AGBL4: variants seen among roughly 807,000 people sequenced by gnomAD.
AGBL4 encodes the protein AGBL carboxypeptidase 4.
AGBL4 carries 58 observed loss-of-function variants against 66.4 expected under a neutral mutation model. The ratio of observed to expected loss-of-function variants is 0.87; its 90% confidence interval spans 0.71 to 1.09. The LOEUF (loss-of-function observed/expected upper bound fraction) is 1.09, where lower values mean the gene tolerates loss of function less well. AGBL4 is among the 50% of genes least tolerant of loss of function. The pLI, the probability that AGBL4 is intolerant of heterozygous loss-of-function variation, is 0.00. For synonymous variants in AGBL4, 234 were observed against 222.9 expected (o/e 1.05, Z -0.44); for missense variants, 579 against 631.0 (o/e 0.92, Z 0.88).
At chr1:49,146,920 A>G (rs1646229618) in intron 4 of AGBL4, among the ~76,000 whole-genome samples, 1 of 152,260 alleles carries the variant, frequency 6.6e-6, no homozygotes, top group African/African-American at 2.4e-5. Context: ...CCAAGCCAGA[A>G]GTAAAAGGAC....
At chr1:49,636,805 T>C (rs993444272) in intron 3 of AGBL4, among the ~76,000 whole-genome samples, 1 of 152,298 alleles carries the variant, frequency 6.6e-6, no homozygotes, top group Middle Eastern at 3.4e-3. Context: ...CATGATCCAA[T>C]GAGTAAATCA....
chr1:49,047,228 T>C (rs1644102245), intron 4 of AGBL4, among the ~76,000 whole-genome samples: 1 of 152,128 alleles, frequency 6.6e-6, no homozygotes, highest in Non-Finnish European at 1.5e-5. Context: ...TATTCTGGTA[T>C]TTGATTATAT....
intron 3 of AGBL4, among the ~76,000 whole-genome samples, chr1:49,376,149 A>G (rs974206702): frequency 1.3e-5 from 2 of 152,090 alleles, no homozygotes; most frequent in African/African-American, 4.8e-5. Flanking sequence ...GTAAACCACT[A>G]TTTGGTGCTC....
intron 5 of AGBL4, among the ~76,000 whole-genome samples, chr1:48,987,491 C>A (rs928386005): frequency 6.6e-6 from 1 of 151,884 alleles, no homozygotes; most frequent in Non-Finnish European, 1.5e-5. Context: ...ATTTATGCAT[C>A]TAATACCAGA....
chr1:49,422,031 T>G (rs1273705101), intron 3 of AGBL4, among the ~76,000 whole-genome samples: 1 of 152,180 alleles, frequency 6.6e-6, no homozygotes, highest in Non-Finnish European at 1.5e-5. Context: ...GCCAAAAACT[T>G]TATTTCTTCC....
intron 3 of AGBL4, among the ~76,000 whole-genome samples, chr1:49,285,105 A>G (rs1644373291): frequency 6.6e-6 from 1 of 152,182 alleles, no homozygotes; most frequent in African/African-American, 2.4e-5. Flanking sequence ...TCCAAAATTG[A>G]CCACATATTT....
At chr1:49,906,917 A>G (rs1405555610) in intron 1 of AGBL4, among the ~76,000 whole-genome samples, 2 of 152,140 alleles carry the variant, frequency 1.3e-5, no homozygotes, top group African/African-American at 4.8e-5. Flanking sequence ...ACATTTTCTT[A>G]CAAGGTCATG....
At chr1:48,876,898 TA>T (rs1477882529) in intron 5 of AGBL4, among the ~76,000 whole-genome samples, 1 of 152,204 alleles carries the variant, frequency 6.6e-6, no homozygotes, top group Non-Finnish European at 1.5e-5. Flanking sequence ...GATGTGCCTT[TA>T]AGGACTTCAA....
the AGBL4 span, among the ~76,000 whole-genome samples, chr1:48,523,319 G>C: frequency 6.6e-6 from 1 of 152,122 alleles, no homozygotes; most frequent in East Asian, 1.9e-4. Context: ...CTACAGAATG[G>C]ATGCATGCAA....
At chr1:49,559,893 A>G (rs1643992280) in intron 3 of AGBL4, among the ~76,000 whole-genome samples, 1 of 152,122 alleles carries the variant, frequency 6.6e-6, no homozygotes, top group Non-Finnish European at 1.5e-5. Flanking sequence ...TATCACTAAT[A>G]AACTCCCTTT....
chr1:49,248,855 T>C (rs1333445264), intron 3 of AGBL4, among the ~76,000 whole-genome samples: 2 of 152,192 alleles, frequency 1.3e-5, no homozygotes, highest in Non-Finnish European at 2.9e-5. Flanking sequence ...ATTTTTTCTT[T>C]AGATTTAAAT....
At chr1:48,926,522 C>CA (rs1373698068) in intron 5 of AGBL4, among the ~76,000 whole-genome samples, 2 of 151,610 alleles carry the variant, frequency 1.3e-5, no homozygotes, top group Non-Finnish European at 2.9e-5. Flanking sequence ...CTCCTGACCT[C>CA]AATTGATCCG....
chr1:49,543,204 A>T (rs760959030), intron 3 of AGBL4, among the ~76,000 whole-genome samples: 1 of 152,076 alleles, frequency 6.6e-6, no homozygotes, highest in Non-Finnish European at 1.5e-5. Context: ...ACTCTGATCT[A>T]TTCTCCTCAA....
intron 5 of AGBL4, among the ~76,000 whole-genome samples, chr1:48,870,170 G>T (rs1648507473): frequency 6.6e-6 from 1 of 151,890 alleles, no homozygotes. Flanking sequence ...CCTCAGAACA[G>T]AATTTCACAC....
At chr1:49,662,812 G>T (rs569137983) in intron 3 of AGBL4, among the ~76,000 whole-genome samples, 3 of 152,234 alleles carry the variant, frequency 2.0e-5, no homozygotes, top group Admixed American at 6.5e-5. Flanking sequence ...TTTGGAGAAT[G>T]AAAGAATCAG....
At chr1:49,833,716 G>T (rs1399505693) in intron 2 of AGBL4, among the ~76,000 whole-genome samples, 1 of 152,176 alleles carries the variant, frequency 6.6e-6, no homozygotes, top group Non-Finnish European at 1.5e-5. Context: ...CACGTCCGTT[G>T]TAAGTTGGAT....
chr1:49,272,610 C>T (rs533930570), intron 3 of AGBL4, among the ~76,000 whole-genome samples: 8 of 152,216 alleles, frequency 5.3e-5, no homozygotes, highest in South Asian at 4.1e-4. Context: ...CAGTAAGGGG[C>T]TTTGGCCATG....
chr1:48,675,164 C>G (rs921456936), intron 6 of AGBL4, among the ~76,000 whole-genome samples: 2 of 152,176 alleles, frequency 1.3e-5, no homozygotes, highest in African/African-American at 4.8e-5. Context: ...CCACACCCAT[C>G]GCATGTTGGA....
intron 5 of AGBL4, among the ~76,000 whole-genome samples, chr1:48,950,298 C>T (rs1375697224): frequency 6.6e-6 from 1 of 151,982 alleles, no homozygotes; most frequent in African/African-American, 2.4e-5. Context: ...GGGTGTTTCA[C>T]CATGTTGACC....
Sources: allele counts gnomAD v4.1 joint callset (sites outside exome capture counted in the v4.1 genomes callset), GRCh38; gene constraint gnomAD v4.1.1; transcripts MANE v1.5; gene names NCBI Gene and HGNC (gene_info 2026-07-23, HGNC 2026-07-21).